Variants in CBLC observed in about 807,000 individuals in gnomAD.
CBLC encodes the protein E3 ubiquitin-protein ligase CBL-C.
CBLC carries 46 observed loss-of-function variants against 58.6 expected under a neutral mutation model. That is an observed-to-expected ratio of 0.79 (90% confidence interval 0.62 to 1.00). The LOEUF (loss-of-function observed/expected upper bound fraction) is 1.00, where lower values mean the gene tolerates loss of function less well. CBLC is among the 50% of genes least tolerant of loss of function. The pLI is 0.00. For missense variants in CBLC, 655 were observed against 625.8 expected (o/e 1.05, Z -0.50); for synonymous variants, 271 against 264.2 (o/e 1.03, Z -0.25).
chr19:44,785,573 T>C (rs958047316), intron 5 of CBLC, among the ~76,000 whole-genome samples: 6 of 147,032 alleles, frequency 4.1e-5, no homozygotes, highest in African/African-American at 7.5e-5. Context: ...GATAGATAGA[T>C]AGGCAGATAG....
At chr19:44,799,672 A>T (rs2376551) in intron 9 of CBLC, among the ~76,000 whole-genome samples, 1 of 149,996 alleles carries the variant, frequency 6.7e-6, no homozygotes, top group Non-Finnish European at 1.5e-5. Flanking sequence ...TGTTGTTTTT[A>T]AAAAAGAAAG....
chr19:44,800,638 C>T lies in CBLC; in HGVS notation c.*95C>T. 1.8e-6 allele frequency: 1 copy of T among 544,366 alleles called. No homozygotes were observed. Among genetic ancestry groups the T allele is most frequent in the Non-Finnish European group, 3.3e-6 (1 of 304,652 alleles). 33.7% of individuals were successfully genotyped at this position (544,366 alleles called of 1,614,324 possible). On this transcript the variant is annotated 3_prime_UTR_variant, in exon 11 of 11. Coordinates refer to ENST00000647358, the MANE Select transcript of CBLC (RefSeq NM_012116.4). ...AAACTGCCAAGCCTGGTCTGTCCTCCAGGGTGCAAAGGAAGAGTGCAGTGG... is the reference window on the plus strand; with the variant it reads ...AAACTGCCAAGCCTGGTCTGTCCTCTAGGGTGCAAAGGAAGAGTGCAGTGG...
At chr19:44,798,078 C>T (rs1968215530) in intron 9 of CBLC, among the ~76,000 whole-genome samples, 1 of 151,982 alleles carries the variant, frequency 6.6e-6, no homozygotes, top group Admixed American at 6.6e-5. Context: ...CTTTAGGGGA[C>T]GACACTGCCA....
At position 44,782,007 on chromosome 19, in the gene CBLC, GA is replaced by G. The variant is rs1375089282; in HGVS notation, c.658-362del. The stretch of plus-strand genomic sequence containing the variant: ...CCTGGGTCTGAGGGAGGAGGGGCTG[GA>G]GACCTGGACTCCAGGGTCTGAGGGA... On this transcript the variant is annotated intron_variant, in intron 3 of 10. Coordinates refer to ENST00000647358, the MANE Select transcript of CBLC (RefSeq NM_012116.4). 5.3e-4 allele frequency among the ~76,000 whole-genome samples: 71 copies of G among 133,018 alleles called. 5 individuals carry two copies. Among genetic ancestry groups the G allele is most frequent in the African/African-American group, 2.0e-3 (65 of 31,724 alleles). The allele number at this position is 133,018 out of a possible 152,430, so 87.3% of individuals were successfully genotyped here. A position where few individuals can be genotyped will look rare whatever the true frequency, so the allele number is the denominator to read the frequency against.
intron 3 of CBLC, 65 bp from the exon 4 acceptor site, chr19:44,782,305 G>A: frequency 6.2e-7 from 1 of 1,601,542 alleles, no homozygotes; most frequent in East Asian, 2.2e-5. Flanking sequence ...CGAGCCCTAG[G>A]GACTACTTAG....
intron 9 of CBLC, among the ~76,000 whole-genome samples, chr19:44,796,642 C>T (rs1968183826): frequency 6.6e-6 from 1 of 152,076 alleles, no homozygotes; most frequent in African/African-American, 2.4e-5. Context: ...GCCTCGGCCT[C>T]CCAAAGTGCT....
intron 4 of CBLC, 111 bp downstream of exon 4, chr19:44,782,602 C>A (rs934279686): frequency 1.2e-6 from 1 of 832,638 alleles, no homozygotes; most frequent in Non-Finnish European, 1.9e-6. Flanking sequence ...ACAGAGGTAC[C>A]CAGGACCCCA....
In CBLC at chr19:44,782,360, C is replaced by T; in HGVS notation, c.658-10C>T. 6.2e-7 allele frequency: 1 copy of T among 1,613,636 alleles called. No individual in the cohort carries two copies. Among genetic ancestry groups the T allele is most frequent in the Non-Finnish European group, 8.5e-7 (1 of 1,179,736 alleles). On this transcript the variant is annotated splice_polypyrimidine_tract_variant and intron_variant, in intron 3 of 10. Coordinates refer to ENST00000647358, the MANE Select transcript of CBLC (RefSeq NM_012116.4). ...GGTCGCTCCCTGACCCAAGCCCTGC[C>T]CCACCCCAGCCATGGCCAACACTCC...
chr19:44,791,540 A>C (rs968979627), intron 6 of CBLC, among the ~76,000 whole-genome samples: 1 of 151,862 alleles, frequency 6.6e-6, no homozygotes, highest in Non-Finnish European at 1.5e-5. Flanking sequence ...CGAGACTAGC[A>C]TGGCCAACAT....
At chr19:44,797,574 CTT>C (rs763685561) in intron 9 of CBLC, among the ~76,000 whole-genome samples, 23 of 133,070 alleles carry the variant, frequency 1.7e-4, no homozygotes, top group Non-Finnish European at 2.1e-4. Flanking sequence ...CCTGGCATTG[CTT>C]TTTTTTTTTT....
chr19:44,796,914 G>T (rs577207390), intron 9 of CBLC, among the ~76,000 whole-genome samples: 12 of 152,206 alleles, frequency 7.9e-5, no homozygotes, highest in East Asian at 1.9e-4. Flanking sequence ...GGGGCGGTGG[G>T]GGGGAGGGTG....
At chr19:44,789,096 G>A (rs1453573471) in intron 5 of CBLC, among the ~76,000 whole-genome samples, 1 of 152,184 alleles carries the variant, frequency 6.6e-6, no homozygotes, top group Non-Finnish European at 1.5e-5. Flanking sequence ...AAATGATCCA[G>A]GGGGAGACCC....
chr19:44,793,927 A>ACCT (rs1968121708), intron 8 of CBLC, among the ~76,000 whole-genome samples: 3 of 151,582 alleles, frequency 2.0e-5, no homozygotes, highest in African/African-American at 7.3e-5. Flanking sequence ...GGTCTGAGGG[A>ACCT]GGAAGAGCTG....
intron 4 of CBLC, among the ~76,000 whole-genome samples, chr19:44,783,050 G>A (rs1203406545): frequency 6.6e-6 from 1 of 152,066 alleles, no homozygotes; most frequent in African/African-American, 2.4e-5. Context: ...TAAGGGAAAA[G>A]AAAAAGGAAA....
At chr19:44,785,438 T>G (rs995038841) in intron 5 of CBLC, among the ~76,000 whole-genome samples, 1 of 151,738 alleles carries the variant, frequency 6.6e-6, no homozygotes, top group African/African-American at 2.4e-5. Context: ...AGTTTCACCT[T>G]TAGCCAGAAT....
chr19:44,786,602 A>G (rs1242818713), intron 5 of CBLC, among the ~76,000 whole-genome samples: 1 of 151,870 alleles, frequency 6.6e-6, no homozygotes, highest in Non-Finnish European at 1.5e-5. Context: ...CTCAGAAAAA[A>G]AAAAAAGAAA....
chr19:44,777,885 C>G (rs886978806), upstream of CBLC: 1 of 1,462,194 alleles, frequency 6.8e-7, no homozygotes, highest in African/African-American at 1.5e-5. Flanking sequence ...GGCGAGGCCG[C>G]CCCTATCCCA....
rs1473070211 is a variant in CBLC, at chr19:44,793,859, G to T, written c.1284+239G>T. Among the ~76,000 whole-genome samples the T allele has an allele frequency of 5.3e-5, 8 of 151,750 alleles. No homozygotes were observed. In the South Asian group the frequency reaches 8.3e-4, roughly 16 times the overall value. On this transcript the variant is annotated intron_variant, in intron 8 of 10. Transcript: ENST00000647358. ...GGACTCCTGGGTCTGATGGAGGTGG[G>T]TATGGGGACCTGGACTCCTGGGTCT...
intron 5 of CBLC, among the ~76,000 whole-genome samples, chr19:44,789,189 G>A (rs1967984090): frequency 3.9e-5 from 6 of 152,144 alleles, no homozygotes; most frequent in Admixed American, 2.0e-4. Context: ...GGTCTCTCTG[G>A]TCCTTGCTGT....
Sources: allele counts gnomAD v4.1 joint callset (sites outside exome capture counted in the v4.1 genomes callset), GRCh38; gene constraint gnomAD v4.1.1; transcripts MANE v1.5; gene names NCBI Gene and HGNC (gene_info 2026-07-23, HGNC 2026-07-21).